Variants in ZBTB20 observed in about 807,000 individuals in gnomAD.
ZBTB20 encodes zinc finger and BTB domain containing 20.
In ZBTB20, 9 loss-of-function variants were observed where a neutral mutation model predicts 56.9. That is an observed-to-expected ratio of 0.16 (90% CI 0.10 to 0.28). The LOEUF (loss-of-function observed/expected upper bound fraction) is 0.28. ZBTB20 is among the 10% of genes least tolerant of loss of function. ZBTB20 has a pLI of 1.00. For missense variants in ZBTB20, 655 were observed against 1,003.0 expected, an observed-to-expected ratio of 0.65 and a Z score of 4.69; for synonymous variants, 417 against 420.7, an observed-to-expected ratio of 0.99 and a Z score of 0.11.
chr3:114,516,584 C>G (rs2046020686), intron 6 of ZBTB20, among the ~76,000 whole-genome samples: 1 of 152,068 alleles, frequency 6.6e-6, no homozygotes, highest in Non-Finnish European at 1.5e-5. Flanking sequence ...TTCTGGCCCC[C>G]AATTCTTTAG....
intron 5 of ZBTB20, among the ~76,000 whole-genome samples, chr3:114,703,682 A>G (rs1446290782): frequency 6.6e-6 from 1 of 152,234 alleles, no homozygotes; most frequent in East Asian, 1.9e-4. Context: ...ATATGAAAGT[A>G]ACAGATGGAA....
At chr3:114,662,462 T>C (rs1240157619) in intron 6 of ZBTB20, among the ~76,000 whole-genome samples, 1 of 146,064 alleles carries the variant, frequency 6.8e-6, no homozygotes, top group Non-Finnish European at 1.5e-5. Context: ...TAGTTCTAGA[T>C]CCCTGAGGAA....
At chr3:114,930,912 T>C in intron 3 of ZBTB20, 1 of 209,958 alleles carries the variant, frequency 4.8e-6, no homozygotes, top group Non-Finnish European at 1.1e-5. Flanking sequence ...TAGCAGTAAG[T>C]ATGCAGCTGA....
intron 4 of ZBTB20, among the ~76,000 whole-genome samples, chr3:114,807,841 C>T (rs1560273775): frequency 6.6e-6 from 1 of 151,986 alleles, no homozygotes; most frequent in Non-Finnish European, 1.5e-5. Flanking sequence ...TGGGATAAAT[C>T]CTCTGTGGTC....
intron 5 of ZBTB20, among the ~76,000 whole-genome samples, chr3:114,753,417 A>ATATATATATATACACACG (rs1383548206): frequency 3.3e-4 from 46 of 137,400 alleles, no homozygotes; most frequent in African/African-American, 6.8e-4. Context: ...ACACACGTAT[A>ATATATATATATACACACG]TATATATATA....
chr3:114,764,716 A>G (rs1383113410), intron 5 of ZBTB20, among the ~76,000 whole-genome samples: 2 of 152,158 alleles, frequency 1.3e-5, no homozygotes, highest in African/African-American at 4.8e-5. Flanking sequence ...TAGTATTTCT[A>G]TGAGATATAT....
At chr3:114,941,977 C>A (rs1004684813) in intron 3 of ZBTB20, among the ~76,000 whole-genome samples, 2 of 145,944 alleles carry the variant, frequency 1.4e-5, no homozygotes, top group Non-Finnish European at 3.0e-5. Flanking sequence ...ACTGTTTATA[C>A]CCCATGTACA....
At chr3:115,050,766 G>A (rs2081517295) in intron 2 of ZBTB20, among the ~76,000 whole-genome samples, 1 of 151,988 alleles carries the variant, frequency 6.6e-6, no homozygotes, top group African/African-American at 2.4e-5. Context: ...TAAAGGCTAT[G>A]ATCAATATGT....
chr3:114,478,058 G>A (rs1038616187), intron 7 of ZBTB20, among the ~76,000 whole-genome samples: 18 of 146,712 alleles, frequency 1.2e-4, no homozygotes, highest in Non-Finnish European at 2.2e-4. Context: ...TTGGCTCACC[G>A]CAACCCCTGC....
intron 2 of ZBTB20, among the ~76,000 whole-genome samples, chr3:115,063,746 C>T (rs918887007): frequency 6.6e-5 from 10 of 151,942 alleles, no homozygotes; most frequent in Non-Finnish European, 1.0e-4. Flanking sequence ...TACAGCATCC[C>T]GTATCCAAAA....
intron 7 of ZBTB20, among the ~76,000 whole-genome samples, chr3:114,461,295 C>CT (rs1294603248): frequency 6.8e-6 from 1 of 146,354 alleles, no homozygotes; most frequent in Admixed American, 6.9e-5. Flanking sequence ...AAACAATCTC[C>CT]TCCCCCCCCC....
intron 6 of ZBTB20, among the ~76,000 whole-genome samples, chr3:114,681,926 TAAAC>T (rs2061998500): frequency 6.6e-6 from 1 of 152,222 alleles, no homozygotes; most frequent in African/African-American, 2.4e-5. Context: ...TGAAATGGCT[TAAAC>T]AAAGTTCTAA....
intron 2 of ZBTB20, among the ~76,000 whole-genome samples, chr3:115,043,848 G>A (rs894718873): frequency 6.6e-6 from 1 of 152,106 alleles, no homozygotes. Context: ...GTGGTCTCCG[G>A]TGTTGGAGGA....
chr3:114,838,929 T>C (rs1260851875), intron 4 of ZBTB20, among the ~76,000 whole-genome samples: 4 of 152,040 alleles, frequency 2.6e-5, no homozygotes, highest in Admixed American at 2.0e-4. Context: ...GGTAGATGCA[T>C]CCCACATTTA....
At chr3:114,882,154 C>A (rs1320393242) in intron 4 of ZBTB20, among the ~76,000 whole-genome samples, 1 of 151,628 alleles carries the variant, frequency 6.6e-6, no homozygotes, top group Non-Finnish European at 1.5e-5. Flanking sequence ...GTATTATAGC[C>A]AATTCACAAA....
At chr3:114,556,909 A>C (rs2051301239) in intron 6 of ZBTB20, among the ~76,000 whole-genome samples, 1 of 152,098 alleles carries the variant, frequency 6.6e-6, no homozygotes, top group African/African-American at 2.4e-5. Flanking sequence ...GACAATAAAA[A>C]AGATCAGATT....
intron 7 of ZBTB20, among the ~76,000 whole-genome samples, chr3:114,426,400 A>G (rs969623309): frequency 1.3e-5 from 2 of 150,146 alleles, no homozygotes; most frequent in African/African-American, 4.9e-5. Context: ...CATATTCTCA[A>G]TGGTTTGACT....
At chr3:114,349,362 T>C (rs2080456138) in intron 11 of ZBTB20, among the ~76,000 whole-genome samples, 1 of 152,164 alleles carries the variant, frequency 6.6e-6, no homozygotes, top group South Asian at 2.1e-4. Context: ...CATATCTCTG[T>C]ACCACTATGG....
chr3:115,076,004 T>C (rs1202733309), intron 1 of ZBTB20, among the ~76,000 whole-genome samples: 1 of 151,868 alleles, frequency 6.6e-6, no homozygotes, highest in East Asian at 1.9e-4. Flanking sequence ...TGAAAAAAAA[T>C]TGGAAAAACA....
Sources: allele counts gnomAD v4.1 joint callset (sites outside exome capture counted in the v4.1 genomes callset), GRCh38; gene constraint gnomAD v4.1.1; transcripts MANE v1.5; gene names NCBI Gene and HGNC (gene_info 2026-07-23, HGNC 2026-07-21).